Variants in MERTK observed in about 807,000 individuals in gnomAD.
MERTK encodes tyrosine-protein kinase Mer.
Under a neutral mutation model 99.3 loss-of-function variants are expected in MERTK, and 69 were observed. The ratio of observed to expected loss-of-function variants is 0.70; its 90% confidence interval spans 0.57 to 0.85. The LOEUF (loss-of-function observed/expected upper bound fraction) is 0.85. Among genes scored for constraint, MERTK ranks in the 40% least tolerant of loss-of-function variants. The pLI, the probability that MERTK is intolerant of heterozygous loss-of-function variation, is 0.00. For synonymous variants in MERTK, 426 were observed against 467.6 expected (o/e 0.91, Z 1.15); for missense variants, 1,125 against 1,249.4 (o/e 0.90, Z 1.50).
chr2:111,923,564 AAATTCCAC>A (rs767410934), intron 1 of MERTK, among the ~76,000 whole-genome samples: 6 of 152,210 alleles, frequency 3.9e-5, no homozygotes, highest in Non-Finnish European at 8.8e-5. Context: ...TGTGAAGTTA[AAATTCCAC>A]TCCAGCTGTT....
At chr2:111,937,837 G>T (rs913415576) in intron 2 of MERTK, among the ~76,000 whole-genome samples, 4 of 152,154 alleles carry the variant, frequency 2.6e-5, no homozygotes, top group African/African-American at 9.6e-5. Flanking sequence ...CCATGTGAAC[G>T]GTGGCAGGTA....
At chr2:111,900,367 C>T (rs1039609308) in intron 1 of MERTK, among the ~76,000 whole-genome samples, 1 of 152,150 alleles carries the variant, frequency 6.6e-6, no homozygotes, top group African/African-American at 2.4e-5. Flanking sequence ...TCTCCACTGC[C>T]CCTCCCTCCA....
intron 1 of MERTK, among the ~76,000 whole-genome samples, chr2:111,920,293 T>C (rs1389747184): frequency 1.3e-5 from 2 of 152,192 alleles, no homozygotes; most frequent in East Asian, 3.9e-4. Flanking sequence ...GTGGCTGGGC[T>C]GTGACCTCTT....
intron 4 of MERTK, among the ~76,000 whole-genome samples, chr2:111,964,592 A>G (rs976946438): frequency 2.0e-5 from 3 of 152,188 alleles, no homozygotes; most frequent in African/African-American, 7.2e-5. Context: ...AAATTAATAA[A>G]TCAATTTTTT....
chr2:111,978,939 C>T (rs752758856), intron 7 of MERTK, among the ~76,000 whole-genome samples: 1 of 152,212 alleles, frequency 6.6e-6, no homozygotes, highest in Non-Finnish European at 1.5e-5. Context: ...TTATTACCCA[C>T]TGCTGACACA....
At chr2:111,971,442 G>T (rs1191520811) in intron 6 of MERTK, among the ~76,000 whole-genome samples, 1 of 151,698 alleles carries the variant, frequency 6.6e-6, no homozygotes, top group Non-Finnish European at 1.5e-5. Context: ...AAAAAAATAG[G>T]CATTTACACT....
At chr2:111,918,244 T>A (rs1184231298) in intron 1 of MERTK, among the ~76,000 whole-genome samples, 1 of 152,348 alleles carries the variant, frequency 6.6e-6, no homozygotes, top group East Asian at 1.9e-4. Flanking sequence ...TGTTCTCTGT[T>A]ACTTAGGGAG....
chr2:111,930,669 G>T (rs1362421343), intron 2 of MERTK, among the ~76,000 whole-genome samples: 1 of 152,040 alleles, frequency 6.6e-6, no homozygotes, highest in Non-Finnish European at 1.5e-5. Flanking sequence ...ACTCCACTTT[G>T]TTTTTTAAGA....
chr2:111,927,600 A>G (rs968516087), intron 1 of MERTK, among the ~76,000 whole-genome samples: 1 of 152,148 alleles, frequency 6.6e-6, no homozygotes, highest in Non-Finnish European at 1.5e-5. Context: ...TGAGCCTAGG[A>G]GATTGAAGTT....
intron 1 of MERTK, among the ~76,000 whole-genome samples, chr2:111,904,020 C>G (rs747481938): frequency 6.6e-6 from 1 of 152,086 alleles, no homozygotes; most frequent in African/African-American, 2.4e-5. Flanking sequence ...AGGGGCCCTC[C>G]GGTGTCGCCC....
intron 5 of MERTK, among the ~76,000 whole-genome samples, chr2:111,967,498 C>T (rs1685378547): frequency 6.6e-6 from 1 of 152,048 alleles, no homozygotes; most frequent in Non-Finnish European, 1.5e-5. Flanking sequence ...TACCCTTCAC[C>T]CATCTGTTTC....
At chr2:111,971,808 T>G (rs1401384344) in intron 6 of MERTK, among the ~76,000 whole-genome samples, 4 of 152,200 alleles carry the variant, frequency 2.6e-5, no homozygotes, top group Non-Finnish European at 5.9e-5. Flanking sequence ...TGCATGTGGT[T>G]TAGGTCTTGT....
At chr2:111,937,751 A>G (rs1684789378) in intron 2 of MERTK, among the ~76,000 whole-genome samples, 3 of 152,160 alleles carry the variant, frequency 2.0e-5, no homozygotes, top group South Asian at 2.1e-4. Flanking sequence ...GATGCCTGAT[A>G]CTTTCTGACT....
chr2:111,917,895 A>AG (rs1684382895), intron 1 of MERTK, among the ~76,000 whole-genome samples: 2 of 151,734 alleles, frequency 1.3e-5, no homozygotes, highest in African/African-American at 2.4e-5. Context: ...AAAAAAAAAA[A>AG]AAATGCCAAA....
intron 1 of MERTK, among the ~76,000 whole-genome samples, chr2:111,913,347 G>T (rs564278793): frequency 1.3e-5 from 2 of 152,170 alleles, no homozygotes; most frequent in South Asian, 4.2e-4. Context: ...GAAGAGTTCT[G>T]TATGTGCTTT....
intron 2 of MERTK, among the ~76,000 whole-genome samples, chr2:111,938,317 G>A (rs1573584842): frequency 6.6e-6 from 1 of 152,070 alleles, no homozygotes; most frequent in Non-Finnish European, 1.5e-5. Flanking sequence ...GGCTGGTCTT[G>A]AACTCCTGGG....
intron 6 of MERTK, among the ~76,000 whole-genome samples, chr2:111,973,582 C>A (rs1243170803): frequency 6.6e-6 from 1 of 152,108 alleles, no homozygotes; most frequent in African/African-American, 2.4e-5. Flanking sequence ...TATCCAGAGC[C>A]CAGAACTGCA....
At chr2:111,993,731 G>A (rs1676676997) in intron 8 of MERTK, among the ~76,000 whole-genome samples, 1 of 152,024 alleles carries the variant, frequency 6.6e-6, no homozygotes, top group Admixed American at 6.6e-5. Context: ...TGAAAATTGA[G>A]CAAGTTGTAC....
intron 1 of MERTK, among the ~76,000 whole-genome samples, chr2:111,899,303 G>C (rs997926878): frequency 9.2e-5 from 14 of 152,208 alleles, no homozygotes; most frequent in Admixed American, 4.6e-4. Flanking sequence ...TCCGGGAGCC[G>C]CGATAGACTG....
Sources: allele counts gnomAD v4.1 joint callset (sites outside exome capture counted in the v4.1 genomes callset), GRCh38; gene constraint gnomAD v4.1.1; transcripts MANE v1.5; gene names NCBI Gene and HGNC (gene_info 2026-07-23, HGNC 2026-07-21).